Variants in TEX9 observed in about 807,000 individuals in gnomAD.
TEX9 encodes the protein testis expressed 9.
TEX9 carries 74 observed loss-of-function variants against 59.6 expected under a neutral mutation model. That is an observed-to-expected ratio of 1.24 (90% CI 1.03 to 1.51). The LOEUF is 1.51. Ranked by LOEUF, TEX9 falls within the 40% of genes most tolerant of loss-of-function variation. The probability of loss-of-function intolerance (pLI) is 0.00; values close to 1 mark genes in which losing one functional copy is unlikely to be tolerated. For missense variants in TEX9, 522 were observed against 447.8 expected (o/e 1.17, Z -1.49); for synonymous variants, 186 against 152.2 (o/e 1.22, Z -1.64).
chr15:56,340,039 G>A (rs1463016056), intron 1 of TEX9, among the ~76,000 whole-genome samples: 3 of 151,938 alleles, frequency 2.0e-5, no homozygotes, highest in Admixed American at 2.0e-4. Context: ...AATGACTTGG[G>A]GATATGATGG....
intron 1 of TEX9, among the ~76,000 whole-genome samples, chr15:56,262,062 G>A (rs1045620135): frequency 4.6e-5 from 7 of 152,316 alleles, no homozygotes; most frequent in Admixed American, 6.5e-5. Flanking sequence ...GGGTGTGGCT[G>A]GCCACTGTGA....
chr15:56,395,825 A>T (rs1385624850), intron 9 of TEX9: 4 of 152,160 alleles, frequency 2.6e-5, no homozygotes, highest in Non-Finnish European at 5.9e-5. Flanking sequence ...ATTTGAAAAA[A>T]TTACTGAATA....
chr15:56,269,867 AG>A (rs1317767862), intron 1 of TEX9, among the ~76,000 whole-genome samples: 1 of 152,050 alleles, frequency 6.6e-6, no homozygotes, highest in Non-Finnish European at 1.5e-5. Context: ...CGTGTTAGCC[AG>A]GATGGTCTCA....
chr15:56,396,299 A>C (rs1489850518), intron 9 of TEX9: 1 of 152,196 alleles, frequency 6.6e-6, no homozygotes, highest in African/African-American at 2.4e-5. Context: ...TAATATCAAA[A>C]TCACTTAGAC....
At chr15:56,438,992 A>G (rs532147801) in intron 12 of TEX9, among the ~76,000 whole-genome samples, 72 of 152,230 alleles carry the variant, frequency 4.7e-4, no homozygotes, top group Non-Finnish European at 3.1e-4. Context: ...TAAAAAGTAT[A>G]CAGATCAGAA....
At position 56,334,671 on chromosome 15, in the gene TEX9, A is replaced by G. The variant is rs115785168; in HGVS notation, c.-106-38770A>G. The stretch of plus-strand genomic sequence containing the variant: ...ACAAATGGGATCACATCAAGTTAAA[A>G]AGCTCCTACACAACAAAGGAAACAA... On this transcript the variant is annotated intron_variant, in intron 1 of 5. Transcript: ENST00000560827. 5.8e-3 allele frequency among the ~76,000 whole-genome samples: 878 copies of G among 152,258 alleles called. 7 individuals carry two copies. Among genetic ancestry groups the G allele is most frequent in the African/African-American group, 0.02 (849 of 41,532 alleles).
intron 2 of TEX9, among the ~76,000 whole-genome samples, chr15:56,368,945 GATTA>G (rs552019061): frequency 6.6e-6 from 1 of 151,842 alleles, no homozygotes; most frequent in East Asian, 1.9e-4. Context: ...AACTGGGGTG[GATTA>G]ATTTTTTGTT....
At chr15:56,245,331 A>G (rs994272443) in intron 1 of TEX9, among the ~76,000 whole-genome samples, 1 of 152,112 alleles carries the variant, frequency 6.6e-6, no homozygotes, top group Non-Finnish European at 1.5e-5. Flanking sequence ...GAGGAAGAAC[A>G]CCTGTGTGCA....
chr15:56,348,754 A>G (rs2046520424), intron 1 of TEX9, among the ~76,000 whole-genome samples: 1 of 151,962 alleles, frequency 6.6e-6, no homozygotes, highest in Non-Finnish European at 1.5e-5. Flanking sequence ...GTGTTCACTT[A>G]GCTTCTTATT....
In TEX9 at chr15:56,340,665, A is replaced by G. The variant is rs76460125; in HGVS notation, c.-106-32776A>G. On this transcript the variant is annotated intron_variant, in intron 1 of 5. Coordinates refer to the TEX9 transcript ENST00000560827. The stretch of plus-strand genomic sequence containing the variant: ...TCCCTTGATTCTACATCCTCAGGAT[A>G]TACTTCCTAGTTCTTGCTCACGTAT... Among the ~76,000 whole-genome samples, 1,133 of 152,168 alleles carry G rather than the reference A, an allele frequency of 7.4e-3. 8 individuals carry two copies. The highest frequency in any genetic ancestry group is 0.014 in the Admixed American group (215 of 15,278).
chr15:56,317,767 A>G (rs1347020642), intron 1 of TEX9, among the ~76,000 whole-genome samples: 2 of 152,120 alleles, frequency 1.3e-5, no homozygotes, highest in Non-Finnish European at 2.9e-5. Flanking sequence ...CATCTTTGAC[A>G]ATTGATTATT....
At chr15:56,345,051 A>G (rs2046443107) in intron 1 of TEX9, among the ~76,000 whole-genome samples, 2 of 145,588 alleles carry the variant, frequency 1.4e-5, no homozygotes, top group African/African-American at 5.1e-5. Flanking sequence ...ATATATATAT[A>G]TATATACACA....
At chr15:56,278,433 A>G (rs867979135) in intron 1 of TEX9, among the ~76,000 whole-genome samples, 1 of 152,042 alleles carries the variant, frequency 6.6e-6, no homozygotes, top group East Asian at 1.9e-4. Context: ...ATTACAGTGC[A>G]CCACTGGAGT....
intron 1 of TEX9, among the ~76,000 whole-genome samples, chr15:56,317,566 C>G (rs2045805514): frequency 6.6e-6 from 1 of 152,030 alleles, no homozygotes; most frequent in Non-Finnish European, 1.5e-5. Flanking sequence ...CTTCCTTCTA[C>G]TTGCTTTGAA....
intron 1 of TEX9, among the ~76,000 whole-genome samples, chr15:56,270,593 C>G (rs781476418): frequency 2.6e-5 from 4 of 152,152 alleles, no homozygotes; most frequent in Non-Finnish European, 4.4e-5. Flanking sequence ...ATCCAATTTG[C>G]CAGTCTGTGT....
chr15:56,382,198 G>A (rs1275443852), intron 3 of TEX9, among the ~76,000 whole-genome samples: 21 of 152,126 alleles, frequency 1.4e-4, no homozygotes, highest in Non-Finnish European at 1.5e-5. Context: ...TAAAGCCCAA[G>A]GGCTTTTCAG....
chr15:56,460,009 A>AAAAAAAAAT, the TEX9 span, among the ~76,000 whole-genome samples: 75 of 26,372 alleles, frequency 2.8e-3, 14 homozygotes, highest in Non-Finnish European at 3.6e-3. Flanking sequence ...AAAAAAAAAA[A>AAAAAAAAAT]ATACATATAT....
At chr15:56,259,372 C>T (rs542809740) in intron 1 of TEX9, among the ~76,000 whole-genome samples, 1 of 151,914 alleles carries the variant, frequency 6.6e-6, no homozygotes, top group African/African-American at 2.4e-5. Context: ...GATTTCTCTT[C>T]TTGGATATTA....
chr15:56,356,480 GT>G (rs1318092534), intron 1 of TEX9, among the ~76,000 whole-genome samples: 49 of 151,748 alleles, frequency 3.2e-4, no homozygotes, highest in African/African-American at 1.1e-3. Context: ...CTCCACTAGT[GT>G]TTTTTTTCTT....
Sources: allele counts gnomAD v4.1 joint callset (sites outside exome capture counted in the v4.1 genomes callset), GRCh38; gene constraint gnomAD v4.1.1; transcripts MANE v1.5; gene names NCBI Gene and HGNC (gene_info 2026-07-23, HGNC 2026-07-21).